The following PTPRD variants were observed in gnomAD, a reference collection of about 807,000 sequenced individuals.
PTPRD encodes the protein protein tyrosine phosphatase receptor type D.
A neutral mutation model predicts 214.5 loss-of-function variants in PTPRD; 34 were observed. The ratio of observed to expected loss-of-function variants is 0.16; its 90% CI spans 0.12 to 0.21. The LOEUF (loss-of-function observed/expected upper bound fraction) is 0.21. Among genes scored for constraint, PTPRD ranks in the 10% least tolerant of loss-of-function variants. PTPRD has a pLI of 1.00. For synonymous variants in PTPRD, 1,128 were observed against 845.7 expected (o/e 1.33, Z -5.79); for missense variants, 2,545 against 2,398.7 (o/e 1.06, Z -1.27).
chr9:9,839,836 C>G (rs998817570), intron 5 of PTPRD, among the ~76,000 whole-genome samples: 6 of 152,086 alleles, frequency 3.9e-5, no homozygotes, highest in Non-Finnish European at 7.4e-5. Context: ...GATCTCTAAT[C>G]TCCCCAATAT....
intron 3 of PTPRD, among the ~76,000 whole-genome samples, chr9:10,304,698 C>G (rs2095996591): frequency 6.6e-6 from 1 of 152,114 alleles, no homozygotes; most frequent in African/African-American, 2.4e-5. Context: ...ATCTAACTTA[C>G]AAGGTATGTG....
At chr9:9,114,735 C>G (rs2099810636) in intron 10 of PTPRD, among the ~76,000 whole-genome samples, 2 of 151,970 alleles carry the variant, frequency 1.3e-5, no homozygotes, top group African/African-American at 4.8e-5. Flanking sequence ...ACCCTTTTGC[C>G]TCCTCTTTCT....
At chr9:9,679,010 A>G (rs1003175387) in intron 7 of PTPRD, among the ~76,000 whole-genome samples, 2 of 151,808 alleles carry the variant, frequency 1.3e-5, no homozygotes, top group Non-Finnish European at 2.9e-5. Flanking sequence ...TAATGCTAGA[A>G]AAGAGGGTTA....
intron 9 of PTPRD, among the ~76,000 whole-genome samples, chr9:9,332,323 C>T (rs763686983): frequency 7.2e-5 from 11 of 151,886 alleles, no homozygotes; most frequent in Admixed American, 1.3e-4. Flanking sequence ...TATACACTCA[C>T]AATGCAGATA....
chr9:9,215,221 T>A (rs922637801), intron 9 of PTPRD, among the ~76,000 whole-genome samples: 1 of 152,180 alleles, frequency 6.6e-6, no homozygotes, highest in Non-Finnish European at 1.5e-5. Flanking sequence ...TTCATGTGTC[T>A]CTTAATTGAC....
chr9:9,787,435 A>C (rs2098933361), intron 5 of PTPRD, among the ~76,000 whole-genome samples: 2 of 150,518 alleles, frequency 1.3e-5, no homozygotes, highest in Admixed American at 1.3e-4. Context: ...AAAAAAAAAA[A>C]AGGCCAAATC....
chr9:9,423,938 T>C (rs7043400), intron 8 of PTPRD, among the ~76,000 whole-genome samples: 122,647 of 152,206 alleles, frequency 0.81, 49,547 homozygotes, highest in Non-Finnish European at 0.81. Flanking sequence ...CAGAGTGGAT[T>C]CTATAATGCA....
At chr9:9,509,624 G>A (rs1426705712) in intron 8 of PTPRD, among the ~76,000 whole-genome samples, 1 of 151,484 alleles carries the variant, frequency 6.6e-6, no homozygotes, top group East Asian at 1.9e-4. Flanking sequence ...CAAGGAGATA[G>A]ATTTGAGACT....
At position 9,315,218 on chromosome 9, in the gene PTPRD, T is replaced by G. The variant is rs141087321; in HGVS notation, c.-203+82231A>C. On this transcript the variant is annotated intron_variant, in intron 9 of 45. Coordinates refer to ENST00000381196, the MANE Select transcript of PTPRD (RefSeq NM_002839.4). ...ACCAAGCTTATTGTGTTGTAATATA[T>G]AACTCCCAAAACTTTTTATATCCTT... is the stretch of plus-strand genomic sequence containing the variant. Among the ~76,000 whole-genome samples, 421 of 152,106 alleles carry G rather than the reference T, an allele frequency of 2.8e-3. 1 individual carries two copies. Among genetic ancestry groups the G allele is most frequent in the African/African-American group, 9.6e-3 (401 of 41,556 alleles).
intron 2 of PTPRD, among the ~76,000 whole-genome samples, chr9:10,587,869 C>T (rs970190110): frequency 6.6e-6 from 1 of 151,986 alleles, no homozygotes; most frequent in East Asian, 1.9e-4. Context: ...AAAGCAAGGA[C>T]AACTCATGGA....
chr9:10,248,521 AAAAAAT>A (rs1374797959), intron 3 of PTPRD, among the ~76,000 whole-genome samples: 46,760 of 140,702 alleles, frequency 0.33, 10,042 homozygotes, highest in Non-Finnish European at 0.47. Context: ...CAAAAAAAAA[AAAAAAT>A]AAAAAAAATA....
intron 10 of PTPRD, among the ~76,000 whole-genome samples, chr9:9,143,347 C>G (rs961267062): frequency 2.6e-5 from 4 of 152,188 alleles, no homozygotes; most frequent in Non-Finnish European, 4.4e-5. Context: ...AATTTTGACT[C>G]TTATTACAAT....
intron 12 of PTPRD, among the ~76,000 whole-genome samples, chr9:8,637,808 T>A (rs2096479219): frequency 6.6e-6 from 1 of 152,168 alleles, no homozygotes; most frequent in Non-Finnish European, 1.5e-5. Flanking sequence ...AGATGGAACA[T>A]CATACAAGTA....
chr9:8,944,894 G>A (rs1463057641), intron 11 of PTPRD, among the ~76,000 whole-genome samples: 1 of 151,932 alleles, frequency 6.6e-6, no homozygotes, highest in Non-Finnish European at 1.5e-5. Flanking sequence ...AATTGAGGGA[G>A]TATAATACAA....
chr9:9,855,836 A>G (rs2061452964), intron 5 of PTPRD, among the ~76,000 whole-genome samples: 2 of 152,136 alleles, frequency 1.3e-5, no homozygotes, highest in Admixed American at 1.3e-4. Flanking sequence ...AGGGCTTTTT[A>G]GCTCTGCAGT....
intron 34 of PTPRD, among the ~76,000 whole-genome samples, chr9:8,437,696 C>G (rs1444229033): frequency 6.6e-6 from 1 of 152,012 alleles, no homozygotes; most frequent in African/African-American, 2.4e-5. Flanking sequence ...ACATCTTTGT[C>G]CACTAATGAG....
intron 8 of PTPRD, among the ~76,000 whole-genome samples, chr9:9,498,554 T>C (rs1358699213): frequency 6.6e-6 from 1 of 152,112 alleles, no homozygotes; most frequent in Non-Finnish European, 1.5e-5. Flanking sequence ...TTCTCCTTGT[T>C]TGGCCTTTAG....
intron 37 of PTPRD, among the ~76,000 whole-genome samples, chr9:8,385,083 A>G (rs1241060449): frequency 1.3e-5 from 2 of 152,212 alleles, no homozygotes; most frequent in East Asian, 3.8e-4. Context: ...TGCAAACACT[A>G]AGAATGATCA....
intron 3 of PTPRD, among the ~76,000 whole-genome samples, chr9:10,106,962 A>T (rs927885185): frequency 1.3e-5 from 2 of 151,842 alleles, no homozygotes; most frequent in Non-Finnish European, 2.9e-5. Context: ...GGAAAAGGTA[A>T]CAGCCACTGT....
Sources: gnomAD v4.1 joint callset for allele counts (sites outside exome capture counted in the v4.1 genomes callset) on GRCh38, gnomAD v4.1.1 for gene constraint, MANE v1.5 for transcripts, NCBI Gene and HGNC (gene_info 2026-07-23, HGNC 2026-07-21) for gene names.